The following LRRC9 variants were observed in gnomAD, a reference collection of about 807,000 sequenced individuals.
The protein encoded by LRRC9 is leucine rich repeat containing 9, also known as leucine-rich repeat-containing protein 9.
LRRC9 carries 122 observed loss-of-function variants against 63.2 expected under a neutral mutation model. The ratio of observed to expected loss-of-function variants is 1.93; its 90% CI spans 1.67 to 2.24. The LOEUF (loss-of-function observed/expected upper bound fraction) is 2.24, where lower values mean the gene tolerates loss of function less well. LRRC9 is among the 30% of genes most tolerant of loss of function. The pLI, the probability that LRRC9 is intolerant of heterozygous loss-of-function variation, is 0.00. For synonymous variants in LRRC9, 366 were observed against 213.1 expected, an observed-to-expected ratio of 1.72 and a Z score of -6.25; for missense variants, 1,071 against 627.7, an observed-to-expected ratio of 1.71 and a Z score of -7.55.
rs1398208064 is a variant in LRRC9 at position 59,923,089 on chromosome 14, C to T, written c.-34+3206C>T. On this transcript the variant is annotated intron_variant, in intron 1 of 31. Coordinates refer to ENST00000445360, the Ensembl canonical transcript of LRRC9. This position sits in a 1 kb window ranked among gnomAD's most constrained non-coding sequence, Gnocchi z 4.2. ...GCTTCGAAGAGCAGGAGAGTAGTTA[C>T]AAGCTGGCCAACAGGACATTCACCT... Among the ~76,000 whole-genome samples the T allele has an allele frequency of 6.6e-6, 1 of 152,208 alleles. No homozygotes were observed. Among genetic ancestry groups the T allele is most frequent in the Admixed American group, 6.5e-5 (1 of 15,278 alleles).
chr14:60,026,922 G>C (rs1891601094), intron 27 of LRRC9, among the ~76,000 whole-genome samples: 1 of 151,916 alleles, frequency 6.6e-6, no homozygotes, highest in Non-Finnish European at 1.5e-5. Context: ...TCATCCCAAT[G>C]ACCTCATTTA....
At chr14:60,045,426 C>T (rs160252) in intron 29 of LRRC9, among the ~76,000 whole-genome samples, 6,909 of 152,144 alleles carry the variant, frequency 0.045, 314 homozygotes, top group Admixed American at 0.12. Flanking sequence ...CCTCCCTCTC[C>T]GACTCCCACC....
intron 29 of LRRC9, among the ~76,000 whole-genome samples, chr14:60,043,751 TTTTCC>T (rs1893158807): frequency 7.0e-6 from 1 of 142,586 alleles, no homozygotes; most frequent in African/African-American, 2.9e-5. Flanking sequence ...TGTAGTTTTC[TTTTCC>T]TTTTTTTTTT....
chr14:60,008,455 A>G (rs1889993382), intron 23 of LRRC9, among the ~76,000 whole-genome samples: 1 of 152,220 alleles, frequency 6.6e-6, no homozygotes, highest in Non-Finnish European at 1.5e-5. Context: ...TAGAACCCAC[A>G]GAATTCAGTG....
chr14:59,997,932 A>G (rs1447887266), intron 18 of LRRC9, 85 bp downstream of exon 18: 1 of 573,888 alleles, frequency 1.7e-6, no homozygotes, highest in Non-Finnish European at 3.1e-6. Flanking sequence ...AGTAATAGCC[A>G]GAGATAGGCA....
intron 17 of LRRC9, among the ~76,000 whole-genome samples, chr14:59,988,745 G>C (rs910737743): frequency 6.6e-6 from 1 of 151,924 alleles, no homozygotes; most frequent in Non-Finnish European, 1.5e-5. Context: ...TAATTCATTG[G>C]TAATTGTATA....
downstream of LRRC9, among the ~76,000 whole-genome samples, chr14:60,065,725 A>G (rs1047432581): frequency 1.9e-5 from 2 of 106,574 alleles, no homozygotes; most frequent in African/African-American, 5.7e-5. Context: ...AAAATGTATA[A>G]TTTATCCAGT....
At chr14:59,973,084 C>T (rs997600953) in intron 12 of LRRC9, among the ~76,000 whole-genome samples, 2 of 151,976 alleles carry the variant, frequency 1.3e-5, no homozygotes, top group African/African-American at 4.8e-5. Flanking sequence ...GGATAGCAAT[C>T]ACACCTATTT....
rs1170911625 is a variant in LRRC9, at chr14:60,016,543, T to C, written c.3187-117T>C. On this transcript the variant is annotated intron_variant, in intron 23 of 31. Transcript: ENST00000445360. ...ATATATAATGCACAGGATTTAGCTC[T>C]ACTTAGTAGGAGGAATCTGGAAAAA... 5.5e-4 allele frequency: 311 copies of C among 562,154 alleles called. 3 individuals are homozygous for C. In the East Asian group the frequency reaches 8.6e-3, roughly 15 times the overall value. 34.8% of individuals were successfully genotyped at this position (562,154 alleles called of 1,614,324 possible). A position where few individuals can be genotyped will look rare whatever the true frequency, so the allele number is the denominator to read the frequency against.
chr14:59,993,167 A>C (rs1324284730), intron 17 of LRRC9, among the ~76,000 whole-genome samples: 1 of 152,256 alleles, frequency 6.6e-6, no homozygotes, highest in Non-Finnish European at 1.5e-5. Context: ...CAACATTCTT[A>C]AAGAAAAGAA....
rs146285332 is a variant in LRRC9, at chr14:59,970,877, G to C, written c.1506+3664G>C. Among the ~76,000 whole-genome samples the C allele has an allele frequency of 3.1e-3, 472 of 152,126 alleles. 1 individual carries two copies. Among genetic ancestry groups the C allele is most frequent in the African/African-American group, 0.011 (455 of 41,500 alleles). On this transcript the variant is annotated intron_variant, in intron 12 of 31. Transcript: ENST00000445360. ...GAATTTTTCTCCCATTCTGTAGATTGTCTGTTTACTCTGTTGTTTCTTTTG... is the reference window on the plus strand; with the variant it reads ...GAATTTTTCTCCCATTCTGTAGATTCTCTGTTTACTCTGTTGTTTCTTTTG...
At chr14:60,010,467 T>G (rs1353174202) in intron 23 of LRRC9, among the ~76,000 whole-genome samples, 3 of 152,070 alleles carry the variant, frequency 2.0e-5, no homozygotes, top group African/African-American at 7.2e-5. Flanking sequence ...AGGAAACCGT[T>G]TTTCCCTCCT....
exon 3 of LRRC9, chr14:59,928,302 G>T: frequency 1.6e-6 from 1 of 639,058 alleles, no homozygotes; most frequent in Non-Finnish European, 2.8e-6. Flanking sequence ...GAGATGGTTG[G>T]ACAAGAAGGA....
chr14:59,924,037 C>T (rs559896291), intron 1 of LRRC9, among the ~76,000 whole-genome samples: 2 of 152,182 alleles, frequency 1.3e-5, no homozygotes, highest in East Asian at 3.9e-4. Context: ...AAAATTAGGC[C>T]CCAGTGTATG....
chr14:59,956,160 G>T (rs1883727862), intron 8 of LRRC9, among the ~76,000 whole-genome samples: 1 of 152,034 alleles, frequency 6.6e-6, no homozygotes, highest in Admixed American at 6.5e-5. Context: ...TGTCTGCTTG[G>T]TACAGAGCTA....
intron 13 of LRRC9, among the ~76,000 whole-genome samples, chr14:59,975,095 AT>A (rs1886017369): frequency 4.1e-5 from 1 of 24,120 alleles, no homozygotes; most frequent in Non-Finnish European, 1.4e-4. Flanking sequence ...TAGTGTATAT[AT>A]ATATACATAT....
intron 22 of LRRC9, chr14:60,006,895 A>C: frequency 4.7e-6 from 1 of 211,800 alleles, no homozygotes; most frequent in South Asian, 1.3e-4. Flanking sequence ...TCCTGTTCTC[A>C]GTACAATTCG....
At chr14:59,929,521 T>C (rs1207233225) in intron 3 of LRRC9, among the ~76,000 whole-genome samples, 1 of 152,148 alleles carries the variant, frequency 6.6e-6, no homozygotes, top group East Asian at 1.9e-4. Context: ...AGTGTGATGA[T>C]TCCTCAAAGA....
At chr14:59,959,765 G>A in intron 8 of LRRC9, 53 bp from the exon 9 acceptor site, 1 of 527,360 alleles carries the variant, frequency 1.9e-6, no homozygotes. Context: ...TTCCGACTTT[G>A]CCTAGACCAT....
Sources: allele counts gnomAD v4.1 joint callset (sites outside exome capture counted in the v4.1 genomes callset), GRCh38; gene constraint gnomAD v4.1.1; non-coding constraint Gnocchi (gnomAD v3.1); transcripts MANE v1.5; gene names NCBI Gene and HGNC (gene_info 2026-07-23, HGNC 2026-07-21).